Variants in LRRC43 observed in about 807,000 individuals in gnomAD.
LRRC43 encodes leucine-rich repeat-containing protein 43.
In LRRC43, 62 loss-of-function variants were observed where a neutral mutation model predicts 64.3. The ratio of observed to expected loss-of-function variants is 0.96; its 90% CI spans 0.79 to 1.19. The LOEUF is 1.19. Ranked by LOEUF, LRRC43 falls within the 50% of genes most tolerant of loss-of-function variation. The pLI, the probability that LRRC43 is intolerant of heterozygous loss-of-function variation, is 0.00. For missense variants in LRRC43, 868 were observed against 845.0 expected, an observed-to-expected ratio of 1.03 and a Z score of -0.34; for synonymous variants, 422 against 382.3, an observed-to-expected ratio of 1.10 and a Z score of -1.21.
chr12:122,189,287 C>T, intron 4 of LRRC43: 1 of 375,368 alleles, frequency 2.7e-6, no homozygotes, highest in Non-Finnish European at 5.3e-6. Flanking sequence ...CCCCGAGGAA[C>T]CTGGAGGGCA....
At chr12:122,193,052 C>A in intron 7 of LRRC43, 48 bp downstream of exon 7, 1 of 1,594,032 alleles carries the variant, frequency 6.3e-7, no homozygotes, top group South Asian at 1.1e-5. Context: ...GCAGTAGGGT[C>A]ACGAGCCTAG....
chr12:122,187,686 C>G lies in LRRC43; in HGVS notation c.523-15C>G. The G allele has an allele frequency of 6.2e-7, 1 of 1,612,312 alleles. No homozygotes were observed. Among genetic ancestry groups the G allele is most frequent in the Non-Finnish European group, 8.5e-7 (1 of 1,179,828 alleles). ...TGGGGCCCCATCGTCCCGGGCCTTC[C>G]GTGTGGTCTCCCAGGTGCTGGAGCT... On this transcript the variant is annotated splice_polypyrimidine_tract_variant and intron_variant, in intron 3 of 11. Transcript: ENST00000339777.
chr12:122,194,562 G>A (rs113937947), intron 7 of LRRC43, among the ~76,000 whole-genome samples: 6,548 of 134,280 alleles, frequency 0.049, 156 homozygotes, highest in Middle Eastern at 0.14. Context: ...AAGAAGCTCC[G>A]TCTCAAAAAA....
chr12:122,192,680 C>G, intron 6 of LRRC43, 65 bp from the exon 7 acceptor site: 1 of 1,575,148 alleles, frequency 6.3e-7, no homozygotes, highest in East Asian at 2.2e-5. Flanking sequence ...TACAGACACC[C>G]CCGGCATCAG....
At chr12:122,198,236 C>T (rs546937106) in intron 7 of LRRC43, among the ~76,000 whole-genome samples, 1 of 152,308 alleles carries the variant, frequency 6.6e-6, no homozygotes, top group South Asian at 2.1e-4. Context: ...ATTCATCTGC[C>T]TCAGCCTCCC....
At chr12:122,172,598 A>G (rs1338416961) in intron 1 of LRRC43, 1 of 1,614,130 alleles carries the variant, frequency 6.2e-7, no homozygotes, top group Admixed American at 1.7e-5. Context: ...TCTCATCAAT[A>G]ACAGATTTGT....
At chr12:122,173,753 G>A (rs1953510839) in intron 1 of LRRC43, 3 of 1,135,570 alleles carry the variant, frequency 2.6e-6, no homozygotes, top group East Asian at 2.4e-5. Flanking sequence ...CTACAGCCCT[G>A]GTTTCAGGTC....
chr12:122,176,330 G>C (rs533740151), intron 1 of LRRC43, among the ~76,000 whole-genome samples: 2 of 152,228 alleles, frequency 1.3e-5, no homozygotes, highest in African/African-American at 4.8e-5. Context: ...CGGGAAGAGG[G>C]TCATGGCAGC....
intron 1 of LRRC43, among the ~76,000 whole-genome samples, chr12:122,176,762 C>T (rs1425101969): frequency 6.6e-6 from 1 of 151,980 alleles, no homozygotes; most frequent in Non-Finnish European, 1.5e-5. Flanking sequence ...TCAAGCAATT[C>T]TCGTGCCTCA....
chr12:122,191,252 C>G (rs1276171247), intron 5 of LRRC43, 128 bp from the exon 6 acceptor site: 1 of 733,874 alleles, frequency 1.4e-6, no homozygotes, highest in African/African-American at 1.8e-5. Flanking sequence ...TGAACCTGAC[C>G]GCCCCACCAA....
At chr12:122,192,520 T>A (rs1231945770) in intron 6 of LRRC43, among the ~76,000 whole-genome samples, 3 of 152,200 alleles carry the variant, frequency 2.0e-5, no homozygotes, top group Non-Finnish European at 2.9e-5. Context: ...GAGAAACCTG[T>A]CTCCTCCTCC....
At position 122,200,924 on chromosome 12, in the gene LRRC43, C is replaced by T. The variant is rs967910085; in HGVS notation, c.1799C>T (p.Thr600Met). ...VVRTLTSDRL[T>M]LARDSKKIKK... ...CGCACATTGACATCTGACAGGCTGA[C>T]GTTGGCCAGGGTACAGCCGGGCCCT... Residue 600 changes from threonine to methionine, a missense_variant, in exon 10 of 12, where the codon ACG becomes ATG. Thr to Met is a moderately conservative substitution (Grantham distance 81). Coordinates refer to ENST00000339777, the MANE Select transcript of LRRC43 (RefSeq NM_001098519.2). The surrounding 1 kb of genome is among the most constrained non-coding windows in gnomAD (Gnocchi z 4.6). The T allele has an allele frequency of 3.1e-6, 5 of 1,601,730 alleles. No homozygotes were observed. Among genetic ancestry groups the T allele is most frequent in the African/African-American group, 2.7e-5 (2 of 74,876 alleles).
upstream of LRRC43, among the ~76,000 whole-genome samples, chr12:122,181,658 T>G (rs1593142873): frequency 2.1e-5 from 3 of 143,020 alleles, no homozygotes; most frequent in East Asian, 4.3e-4. Flanking sequence ...CAGGCTGGAG[T>G]GCAGTGATGT....
intron 1 of LRRC43, chr12:122,174,337 G>T: frequency 1.3e-6 from 1 of 797,290 alleles, no homozygotes; most frequent in Non-Finnish European, 2.1e-6. Context: ...ACACTCAAAA[G>T]TTCTACTGGC....
intron 1 of LRRC43, chr12:122,172,331 C>T (rs996377426): frequency 6.0e-5 from 60 of 1,005,586 alleles, no homozygotes; most frequent in Admixed American, 8.8e-5. Flanking sequence ...TAAGGAATCA[C>T]GGCAGAGTTC....
intron 1 of LRRC43, among the ~76,000 whole-genome samples, chr12:122,170,837 T>A (rs1450044203): frequency 1.3e-5 from 2 of 151,760 alleles, no homozygotes; most frequent in Non-Finnish European, 2.9e-5. Flanking sequence ...AGATTAGTGG[T>A]TCTCAAACTT....
chr12:122,173,960 A>G, intron 1 of LRRC43: 1 of 1,614,198 alleles, frequency 6.2e-7, no homozygotes, highest in African/African-American at 1.3e-5. Flanking sequence ...CCTCCCAGGC[A>G]GCAGAACAGA....
rs776386897 is a variant in LRRC43 at position 122,190,351 on chromosome 12, G to T, written c.884G>T (p.Gly295Val). The change falls in exon 5 of 12, where the codon GGG (glycine) becomes GTG (valine). Residue 295 changes from glycine (G) to valine (V), a missense_variant. Transcript: ENST00000339777. Reference sequence around the variant, plus strand: ...CCCAATGAGAAGCATCTCTTCCGGGGGCTCAGCCTCAATGGCGGTGAGGGT... The same window carrying T: ...CCCAATGAGAAGCATCTCTTCCGGGTGCTCAGCCTCAATGGCGGTGAGGGT... The part of the protein sequence containing the change: ...VSPNEKHLFR[G>V]LSLNGDLLAQ... 4 of 1,613,742 alleles carry T rather than the reference G, an allele frequency of 2.5e-6. No individual in the cohort carries two copies. The highest frequency in any genetic ancestry group is 3.3e-5 in the Admixed American group (2 of 60,000).
Position 122,183,301 on chromosome 12 carries a change from G to A in LRRC43, c.150+7G>A, listed in dbSNP as rs551866276. 33 of 1,496,926 alleles carry A rather than the reference G, an allele frequency of 2.2e-5. No homozygotes were observed. In the African/African-American group the frequency reaches 2.9e-4, roughly 13 times the overall value. The allele number at this position is 1,496,926 out of a possible 1,614,324, so 92.7% of individuals were successfully genotyped here. A position where few individuals can be genotyped will look rare whatever the true frequency, so the allele number is the denominator to read the frequency against. On this transcript the variant is annotated splice_region_variant and intron_variant, in intron 1 of 11. Coordinates refer to ENST00000339777, the MANE Select transcript of LRRC43 (RefSeq NM_001098519.2). Reference sequence around the variant, plus strand: ...GTGCGGTGCCGGCAGCTGGGTGCGGGCGCCGGGGCCGGAACTCTGGGGGCC... The same window carrying A: ...GTGCGGTGCCGGCAGCTGGGTGCGGACGCCGGGGCCGGAACTCTGGGGGCC...
Sources: gnomAD v4.1 joint callset for allele counts (sites outside exome capture counted in the v4.1 genomes callset) on GRCh38, gnomAD v4.1.1 for gene constraint, Gnocchi (gnomAD v3.1) non-coding constraint, MANE v1.5 for transcripts, NCBI Gene and HGNC (gene_info 2026-07-23, HGNC 2026-07-21) for gene names.